The following ASCC3 variants were observed in gnomAD, a reference collection of about 807,000 sequenced individuals.
ASCC3 encodes activating signal cointegrator 1 complex subunit 3.
A neutral mutation model predicts 256.3 loss-of-function variants in ASCC3; 158 were observed. The observed-to-expected ratio is 0.62, with a 90% CI of 0.54 to 0.70. The LOEUF is 0.70. ASCC3 is among the 30% of genes least tolerant of loss of function. ASCC3 has a pLI of 0.00. For missense variants in ASCC3, 2,259 were observed against 2,626.0 expected (o/e 0.86, Z 3.05); for synonymous variants, 948 against 883.4 (o/e 1.07, Z -1.30).
At chr6:100,550,926 A>G (rs1425310731) in intron 36 of ASCC3, among the ~76,000 whole-genome samples, 1 of 151,918 alleles carries the variant, frequency 6.6e-6, no homozygotes, top group African/African-American at 2.4e-5. Context: ...TCTAAGTTTA[A>G]TAAGTTTCTA....
chr6:100,701,013 A>T (rs1778328590), intron 13 of ASCC3, among the ~76,000 whole-genome samples: 1 of 152,102 alleles, frequency 6.6e-6, no homozygotes, highest in African/African-American at 2.4e-5. Context: ...CCAGGGTGGA[A>T]TGATATGGTT....
At chr6:100,726,592 T>A (rs1365135156) in intron 10 of ASCC3, among the ~76,000 whole-genome samples, 3 of 152,028 alleles carry the variant, frequency 2.0e-5, no homozygotes, top group Non-Finnish European at 2.9e-5. Context: ...GATTTCAGAT[T>A]TTCAAATTAG....
At chr6:100,581,768 T>TC (rs1771285738) in intron 36 of ASCC3, among the ~76,000 whole-genome samples, 1 of 151,752 alleles carries the variant, frequency 6.6e-6, no homozygotes, top group African/African-American at 2.4e-5. Context: ...GTATAAGGTG[T>TC]AAGGAAGGGA....
At chr6:100,525,889 T>C (rs985448761) in intron 37 of ASCC3, among the ~76,000 whole-genome samples, 15 of 152,150 alleles carry the variant, frequency 9.9e-5, no homozygotes, top group Non-Finnish European at 1.6e-4. Context: ...AGACATCTGC[T>C]AGAAAATGCA....
chr6:100,619,140 A>C (rs1389493893), intron 30 of ASCC3, among the ~76,000 whole-genome samples: 2 of 152,226 alleles, frequency 1.3e-5, no homozygotes, highest in African/African-American at 4.8e-5. Flanking sequence ...ATATGGTTCC[A>C]GGAACCAAGT....
chr6:100,580,687 T>G (rs1183707451), intron 36 of ASCC3, among the ~76,000 whole-genome samples: 1 of 151,544 alleles, frequency 6.6e-6, no homozygotes, highest in Non-Finnish European at 1.5e-5. Context: ...ACCCACTAAC[T>G]CGTCATCTAG....
At position 100,815,547 on chromosome 6, in the gene ASCC3, G is replaced by T. The variant is rs554700591; in HGVS notation, c.802-9667C>A. On this transcript the variant is annotated intron_variant, in intron 4 of 41. Coordinates refer to ENST00000369162, the MANE Select transcript of ASCC3 (RefSeq NM_006828.4). ...ATGGCTACCATAACCAAAACAGCATGGTATTGGTACAAAAACTGATATATA... is the reference window on the plus strand; with the variant it reads ...ATGGCTACCATAACCAAAACAGCATTGTATTGGTACAAAAACTGATATATA... Among the ~76,000 whole-genome samples the T allele has an allele frequency of 3.3e-5, 5 of 152,092 alleles. No homozygotes were observed. In the South Asian group the frequency reaches 8.3e-4, roughly 25 times the overall value.
intron 4 of ASCC3, among the ~76,000 whole-genome samples, chr6:100,834,500 T>C (rs1395606724): frequency 7.9e-5 from 12 of 152,090 alleles, no homozygotes; most frequent in African/African-American, 2.7e-4. Context: ...TGCTGTATGA[T>C]TAAATCCCAA....
chr6:100,624,219 C>A (rs1375676516), intron 30 of ASCC3, among the ~76,000 whole-genome samples: 1 of 151,426 alleles, frequency 6.6e-6, no homozygotes, highest in Non-Finnish European at 1.5e-5. Flanking sequence ...TAGAAATACA[C>A]ATATATGAAG....
At chr6:100,796,993 G>A (rs982387543) in intron 8 of ASCC3, among the ~76,000 whole-genome samples, 3 of 152,012 alleles carry the variant, frequency 2.0e-5, no homozygotes, top group Non-Finnish European at 4.4e-5. Flanking sequence ...TGCACATTAA[G>A]GTGGCAGAGG....
Position 100,715,498 on chromosome 6 carries a change from A to AAT in ASCC3, c.2114_2115insAT (p.Tyr705Ter). 1 of 1,611,488 alleles carries AAT rather than the reference A, an allele frequency of 6.2e-7. No individual in the cohort carries two copies. Among genetic ancestry groups the AAT allele is most frequent in the Non-Finnish European group, 8.5e-7 (1 of 1,178,280 alleles). Residue 705 changes from tyrosine to a stop codon, truncating the protein, a stop_gained and frameshift_variant, in exon 13 of 42, where the codon TAT becomes TAATT. Coordinates refer to ENST00000369162, the MANE Select transcript of ASCC3 (RefSeq NM_006828.4). LOFTEE classifies it high-confidence loss of function. The part of the protein sequence containing the change: ...QQLNNMDEVC[Y>*]ENVLKQVKAG... Reference sequence around the variant, plus strand: ...CCTTTACTTGCTTCAAAACATTTTCATAACATACTTCATCCATGTTATTCA... The same window carrying AAT: ...CCTTTACTTGCTTCAAAACATTTTCAATTAACATACTTCATCCATGTTATTCA...
chr6:100,633,804 A>G (rs1361060447), intron 25 of ASCC3, among the ~76,000 whole-genome samples: 1 of 151,292 alleles, frequency 6.6e-6, no homozygotes, highest in African/African-American at 2.4e-5. Context: ...AATCCGGGAG[A>G]TGGAGGTTGC....
chr6:100,624,032 G>C (rs1011520303), intron 30 of ASCC3, among the ~76,000 whole-genome samples: 2 of 151,414 alleles, frequency 1.3e-5, no homozygotes, highest in African/African-American at 4.9e-5. Context: ...CGAGTTACTG[G>C]GTGCAGCACA....
chr6:100,512,917 G>T lies in ASCC3; in HGVS notation c.6077C>A (p.Ala2026Glu). ...TGGCAAGTGAGATAAGAAATTCCAT[G>T]CCTAAATAAAAAGAGAAAAGAAACA... The part of the protein sequence containing the change: ...SELHAAKTKQ[A>E]WNFLSHLPVI... The change falls in exon 40 of 42, where the codon GCA (alanine) becomes GAA (glutamate). Residue 2026 changes from alanine (A) to glutamate (E), a missense_variant and splice_region_variant. By Grantham distance (107) the Ala-to-Glu change is moderately radical. Around this residue, in one of 2 missense-constraint regions of ASCC3, gnomAD observed 1,839 missense variants for 2,206.7 expected, o/e 0.83. Coordinates refer to ENST00000369162, the MANE Select transcript of ASCC3 (RefSeq NM_006828.4). 1 of 1,612,604 alleles carries T rather than the reference G, an allele frequency of 6.2e-7. No homozygotes were observed.
chr6:100,799,623 T>C (rs778427865), intron 6 of ASCC3, 51 bp from the exon 7 acceptor site: 20 of 1,580,152 alleles, frequency 1.3e-5, no homozygotes, highest in Admixed American at 8.4e-5. Flanking sequence ...TGAAAGGTAA[T>C]GCATACACCA....
chr6:100,717,814 A>C (rs1414140493), intron 12 of ASCC3, among the ~76,000 whole-genome samples: 3 of 152,126 alleles, frequency 2.0e-5, no homozygotes, highest in Non-Finnish European at 4.4e-5. Flanking sequence ...GAAAATACGT[A>C]ACATACATGG....
At chr6:100,831,476 G>A (rs1771615451) in intron 4 of ASCC3, among the ~76,000 whole-genome samples, 1 of 152,190 alleles carries the variant, frequency 6.6e-6, no homozygotes, top group Non-Finnish European at 1.5e-5. Context: ...TGGACAGCTA[G>A]GCCAGTAGTT....
intron 4 of ASCC3, among the ~76,000 whole-genome samples, chr6:100,822,143 C>T (rs1322661820): frequency 1.3e-5 from 2 of 152,296 alleles, no homozygotes; most frequent in African/African-American, 2.4e-5. Context: ...ATCATTGATA[C>T]ACTTTCAATG....
intron 36 of ASCC3, among the ~76,000 whole-genome samples, chr6:100,541,739 A>T (rs1166339699): frequency 6.6e-6 from 1 of 152,240 alleles, no homozygotes; most frequent in East Asian, 1.9e-4. Context: ...GCAAAAAAAC[A>T]GGAAAAGAGG....
Sources: allele counts gnomAD v4.1 joint callset (sites outside exome capture counted in the v4.1 genomes callset), GRCh38; gene constraint gnomAD v4.1.1; regional missense constraint gnomAD v4.1.1; transcripts MANE v1.5; gene names NCBI Gene and HGNC (gene_info 2026-07-23, HGNC 2026-07-21).